The following LMO7 variants were observed in gnomAD, a reference collection of about 807,000 sequenced individuals.
LMO7 encodes LIM domain 7.
A neutral mutation model predicts 206.5 loss-of-function variants in LMO7; 120 were observed. That is an observed-to-expected ratio of 0.58 (90% CI 0.50 to 0.68). LMO7 has a LOEUF of 0.68. LMO7 is among the 30% of genes least tolerant of loss of function. LMO7 has a pLI of 0.00. For missense variants in LMO7, 1,959 were observed against 1,957.9 expected (o/e 1.00, Z -0.01); for synonymous variants, 706 against 681.5 (o/e 1.04, Z -0.56).
At chr13:75,657,403 T>A (rs2038159532) in intron 1 of LMO7, among the ~76,000 whole-genome samples, 1 of 152,192 alleles carries the variant, frequency 6.6e-6, no homozygotes, top group Non-Finnish European at 1.5e-5. Flanking sequence ...GCAAAGTATC[T>A]CATGCATATG....
intron 1 of LMO7, among the ~76,000 whole-genome samples, chr13:75,699,404 ATTT>A (rs57799165): frequency 2.4e-3 from 346 of 141,772 alleles, no homozygotes; most frequent in East Asian, 7.5e-3. Context: ...AAGATAGAAG[ATTT>A]TTTTTTTTTT....
rs757394297 is a variant in LMO7, at chr13:75,821,222, G to A, written c.2253G>A (p.Met751Ile). 1.9e-6 allele frequency: 3 copies of A among 1,612,520 alleles called. No homozygotes were observed. The highest frequency in any genetic ancestry group is 1.3e-5 in the African/African-American group (1 of 74,746). Residue 751 changes from methionine to isoleucine, a missense_variant, in exon 14 of 31, where the codon ATG becomes ATA. Met to Ile is a conservative substitution (Grantham distance 10). Coordinates refer to ENST00000377534, the MANE Select transcript of LMO7 (RefSeq NM_001306080.2). The stretch of plus-strand genomic sequence containing the variant: ...CTACAGTTCCGTCAAGAAGGAGAAT[G>A]TATTCTTTTGATGATGTGCTGGAGG... ...QKSTVPSRRR[M>I]YSFDDVLEEG...
At chr13:75,628,162 A>G (rs1209862220) in intron 2 of LMO7, 2 of 152,234 alleles carry the variant, frequency 1.3e-5, no homozygotes, top group African/African-American at 2.4e-5. Context: ...TCAGTTAACA[A>G]TCCAGTAGCT....
At chr13:75,721,789 G>C (rs979410998) in intron 2 of LMO7, among the ~76,000 whole-genome samples, 24 of 152,208 alleles carry the variant, frequency 1.6e-4, no homozygotes, top group African/African-American at 5.3e-4. Context: ...GGGTGTGCAA[G>C]TATCTTTTTC....
At chr13:75,787,186 T>A (rs1182514498) in intron 4 of LMO7, among the ~76,000 whole-genome samples, 4 of 152,244 alleles carry the variant, frequency 2.6e-5, no homozygotes, top group Non-Finnish European at 5.9e-5. Flanking sequence ...TATTCAGTAG[T>A]CACCTTAATA....
upstream of LMO7, among the ~76,000 whole-genome samples, chr13:75,633,252 C>G (rs553965867): frequency 2.6e-5 from 4 of 152,230 alleles, no homozygotes; most frequent in African/African-American, 9.6e-5. Flanking sequence ...TTGGCCTGAT[C>G]AGAGTGCAGC....
At chr13:75,734,525 C>T (rs999816441) in intron 3 of LMO7, among the ~76,000 whole-genome samples, 10 of 152,084 alleles carry the variant, frequency 6.6e-5, no homozygotes, top group African/African-American at 2.2e-4. Flanking sequence ...ATGTTAAAGG[C>T]ATGGGTAATT....
At chr13:75,710,526 T>C (rs993562552) in intron 1 of LMO7, among the ~76,000 whole-genome samples, 1 of 151,874 alleles carries the variant, frequency 6.6e-6, no homozygotes, top group East Asian at 1.9e-4. Context: ...CCCTTGTAAG[T>C]TGGATTCCTA....
chr13:75,633,103 C>T (rs547624111), upstream of LMO7, among the ~76,000 whole-genome samples: 1 of 151,990 alleles, frequency 6.6e-6, no homozygotes, highest in Admixed American at 6.5e-5. Context: ...GGCTTAGTGA[C>T]CCGCCCGCCT....
intron 19 of LMO7, among the ~76,000 whole-genome samples, chr13:75,836,970 G>C (rs116230680): frequency 1.3e-3 from 203 of 152,176 alleles, no homozygotes; most frequent in African/African-American, 4.6e-3. Flanking sequence ...TTCTTCTTCT[G>C]CCCATCCAGA....
At chr13:75,732,721 T>C (rs2045375561) in intron 3 of LMO7, among the ~76,000 whole-genome samples, 1 of 151,990 alleles carries the variant, frequency 6.6e-6, no homozygotes, top group Admixed American at 6.6e-5. Flanking sequence ...GAGTTTCCAG[T>C]TTTTCTGCTG....
At chr13:75,681,732 A>G (rs938377858) in intron 1 of LMO7, among the ~76,000 whole-genome samples, 9 of 135,272 alleles carry the variant, frequency 6.7e-5, no homozygotes, top group South Asian at 4.8e-4. Context: ...ATATATATAT[A>G]TATATATATA....
At chr13:75,633,790 T>G (rs936006218), upstream of LMO7, among the ~76,000 whole-genome samples, 3 of 151,502 alleles carry the variant, frequency 2.0e-5, no homozygotes, top group Admixed American at 6.6e-5. Context: ...TTTAGTTAGG[T>G]GTGAAAATAG....
At chr13:75,672,259 G>A (rs77024556) in intron 1 of LMO7, among the ~76,000 whole-genome samples, 5 of 65,622 alleles carry the variant, frequency 7.6e-5, no homozygotes, top group African/African-American at 3.1e-4. Flanking sequence ...TTTTTTTTTT[G>A]AGATGGAGTT....
rs1339994599 is a variant in LMO7, at chr13:75,821,037, C to T, written c.2208-140C>T. On this transcript the variant is annotated intron_variant, in intron 13 of 30. Transcript: ENST00000377534. ...AAAGATAATTGTATACATCTTTATG[C>T]TCTGTAAGTGTTGTATTGATTCTTG... 2.7e-5 allele frequency: 17 copies of T among 624,766 alleles called. No homozygotes were observed. The East Asian group carries it at 4.2e-4, about 15-fold the overall frequency. 38.7% of individuals were successfully genotyped at this position (624,766 alleles called of 1,614,324 possible). A position where few individuals can be genotyped will look rare whatever the true frequency, so the allele number is the denominator to read the frequency against.
chr13:75,716,829 T>G (rs2043570957), intron 2 of LMO7, among the ~76,000 whole-genome samples: 1 of 152,114 alleles, frequency 6.6e-6, no homozygotes, highest in South Asian at 2.1e-4. Context: ...CAGCTAATGA[T>G]ATCAGTAATT....
rs545940104 is a variant in LMO7 at position 75,840,531 on chromosome 13, T to C, written c.3582+36T>C. 1.0e-4 allele frequency: 162 copies of C among 1,604,834 alleles called. 1 individual carries two copies. In the South Asian group the frequency reaches 1.7e-3, roughly 17 times the overall value. Reference sequence around the variant, plus strand: ...CTCACGTGGACGGGTAGAAACTAGGTTGGATTTCACGGCTTTTCTCCAGTC... The same window carrying C: ...CTCACGTGGACGGGTAGAAACTAGGCTGGATTTCACGGCTTTTCTCCAGTC... On this transcript the variant is annotated intron_variant, in intron 22 of 30. Transcript: ENST00000377534.
chr13:75,825,682 G>A (rs1387305382), intron 15 of LMO7, among the ~76,000 whole-genome samples: 1 of 152,074 alleles, frequency 6.6e-6, no homozygotes, highest in African/African-American at 2.4e-5. Flanking sequence ...GTCCTTTTCT[G>A]TGCCACTAGG....
intron 1 of LMO7, among the ~76,000 whole-genome samples, chr13:75,708,753 T>C (rs936131690): frequency 6.6e-6 from 1 of 152,220 alleles, no homozygotes; most frequent in Non-Finnish European, 1.5e-5. Context: ...GCCATTCTCT[T>C]TGGGTATGTT....
Sources: allele counts gnomAD v4.1 joint callset (sites outside exome capture counted in the v4.1 genomes callset), GRCh38; gene constraint gnomAD v4.1.1; transcripts MANE v1.5; gene names NCBI Gene and HGNC (gene_info 2026-07-23, HGNC 2026-07-21).